Variants in JAM3 observed in about 807,000 individuals in gnomAD.
JAM3 encodes the protein junctional adhesion molecule C.
Under a neutral mutation model 39.4 loss-of-function variants are expected in JAM3, and 31 were observed. The observed-to-expected ratio is 0.79, with a 90% CI of 0.59 to 1.06. The LOEUF (loss-of-function observed/expected upper bound fraction) is 1.06, where lower values mean the gene tolerates loss of function less well. JAM3 is among the 50% of genes least tolerant of loss of function. The probability of loss-of-function intolerance (pLI) is 0.00; values close to 1 mark genes in which losing one functional copy is unlikely to be tolerated. For synonymous variants in JAM3, 182 were observed against 148.7 expected (o/e 1.22, Z -1.63); for missense variants, 455 against 391.4 (o/e 1.16, Z -1.37).
intron 4 of JAM3, among the ~76,000 whole-genome samples, 158 bp downstream of exon 4, chr11:134,144,551 A>T (rs183803233): frequency 2.6e-4 from 40 of 152,312 alleles, no homozygotes; most frequent in Middle Eastern, 6.8e-3. Context: ...GTTGGGGTAG[A>T]AGGTGAGAAG....
chr11:134,131,241 C>CG (rs1175138805), intron 1 of JAM3, among the ~76,000 whole-genome samples: 44 of 30,880 alleles, frequency 1.4e-3, no homozygotes, highest in South Asian at 6.4e-3. Flanking sequence ...TTTGGGGGGG[C>CG]GGGGGGGTGG....
intron 1 of JAM3, among the ~76,000 whole-genome samples, chr11:134,134,420 A>C (rs1412012333): frequency 2.0e-5 from 3 of 150,234 alleles, no homozygotes; most frequent in African/African-American, 7.4e-5. Context: ...AAAAAAAAAA[A>C]AACATCTAGG....
At position 134,122,397 on chromosome 11, in the gene JAM3, A is replaced by G. The variant is rs192160915; in HGVS notation, c.77-17454A>G. 1.9e-4 allele frequency among the ~76,000 whole-genome samples: 29 copies of G among 152,312 alleles called. No individual in the cohort carries two copies. The East Asian group carries it at 5.4e-3, about 28-fold the overall frequency. On this transcript the variant is annotated intron_variant, in intron 1 of 8. Coordinates refer to ENST00000299106, the MANE Select transcript of JAM3 (RefSeq NM_032801.5). Reference sequence around the variant, plus strand: ...CAAGAGCCCCTGATGGTACCCCTCTACCTGCTTTGTCCATGCAGCCTGATC... The same window carrying G: ...CAAGAGCCCCTGATGGTACCCCTCTGCCTGCTTTGTCCATGCAGCCTGATC...
chr11:134,130,041 G>C (rs1027257684), intron 1 of JAM3, among the ~76,000 whole-genome samples: 7 of 152,100 alleles, frequency 4.6e-5, no homozygotes, highest in African/African-American at 1.7e-4. Context: ...AACGGCCCCA[G>C]ATAGTTCATA....
chr11:134,113,240 C>T (rs1175654523), intron 1 of JAM3, among the ~76,000 whole-genome samples: 4 of 150,012 alleles, frequency 2.7e-5, no homozygotes, highest in South Asian at 2.1e-4. Context: ...ATGTGCACAA[C>T]GTGCAGGTTT....
At chr11:134,108,976 A>G (rs1397195299) in intron 1 of JAM3, among the ~76,000 whole-genome samples, 1 of 152,084 alleles carries the variant, frequency 6.6e-6, no homozygotes, top group African/African-American at 2.4e-5. Flanking sequence ...TTTAACTTTA[A>G]TACAGAGTCT....
chr11:134,081,969 G>T (rs1190744123), intron 1 of JAM3, among the ~76,000 whole-genome samples: 1 of 152,272 alleles, frequency 6.6e-6, no homozygotes, highest in African/African-American at 2.4e-5. Flanking sequence ...ATGAGACTTG[G>T]AGTCAAAGGA....
intron 1 of JAM3, among the ~76,000 whole-genome samples, chr11:134,115,904 A>G (rs1436829015): frequency 2.6e-5 from 4 of 152,174 alleles, no homozygotes; most frequent in Non-Finnish European, 4.4e-5. Flanking sequence ...CTCAAAATAA[A>G]TAAATAAAAA....
chr11:134,113,903 T>C (rs1942369076), intron 1 of JAM3, among the ~76,000 whole-genome samples: 1 of 152,254 alleles, frequency 6.6e-6, no homozygotes, highest in Non-Finnish European at 1.5e-5. Context: ...TGTGAGATGG[T>C]ATCTCATTGT....
chr11:134,091,767 A>G (rs565838241), intron 1 of JAM3, among the ~76,000 whole-genome samples: 2 of 152,038 alleles, frequency 1.3e-5, no homozygotes, highest in East Asian at 3.9e-4. Flanking sequence ...AAATGTGTGC[A>G]ATGGATGGAA....
chr11:134,074,873 C>A (rs944016901), intron 1 of JAM3, among the ~76,000 whole-genome samples: 2 of 152,026 alleles, frequency 1.3e-5, no homozygotes, highest in African/African-American at 4.8e-5. Context: ...TCTTCCTGCC[C>A]AACATGGACT....
intron 2 of JAM3, among the ~76,000 whole-genome samples, chr11:134,140,132 T>G (rs1407664156): frequency 6.6e-6 from 1 of 152,232 alleles, no homozygotes; most frequent in East Asian, 1.9e-4. Flanking sequence ...CCTGCCTGGC[T>G]TTGTGATCAC....
At chr11:134,069,292 G>C in intron 1 of JAM3, 133 bp downstream of exon 1, 1 of 1,258,256 alleles carries the variant, frequency 7.9e-7, no homozygotes, top group Non-Finnish European at 1.1e-6. Flanking sequence ...GTCCCGGGCC[G>C]GAGGGGCGGC....
intron 1 of JAM3, among the ~76,000 whole-genome samples, chr11:134,132,477 T>C (rs1483480048): frequency 6.6e-6 from 1 of 152,190 alleles, no homozygotes; most frequent in African/African-American, 2.4e-5. Context: ...TTCGAAGGTG[T>C]ATGAAGATAT....
At chr11:134,134,398 C>CAAAAA (rs34729848) in intron 1 of JAM3, among the ~76,000 whole-genome samples, 1,500 of 31,904 alleles carry the variant, frequency 0.047, 105 homozygotes, top group African/African-American at 0.062. Flanking sequence ...GGATAAATGC[C>CAAAAA]AAAAAAAAAA....
At chr11:134,134,398 C>CAAAAAAAAAAAAAAAA (rs34729848) in intron 1 of JAM3, among the ~76,000 whole-genome samples, 34 of 31,906 alleles carry the variant, frequency 1.1e-3, no homozygotes, top group African/African-American at 1.5e-3. Flanking sequence ...GGATAAATGC[C>CAAAAAAAAAAAAAAAA]AAAAAAAAAA....
chr11:134,139,892 AC>A lies in JAM3; in HGVS notation c.122del (p.Pro41GlnfsTer60). The A allele has an allele frequency of 6.2e-7, 1 of 1,613,924 alleles. No homozygotes were observed. Among genetic ancestry groups the A allele is most frequent in the South Asian group, 1.1e-5 (1 of 91,082 alleles). ...GAVNLKSSNR[T>X]PVVQEFESVE... ...TGTAAATCTCAAATCCAGCAATCGAACCCCAGTGGTACAGGAATTTGAAAGT... is the reference window on the plus strand; with the variant it reads ...TGTAAATCTCAAATCCAGCAATCGAACCCAGTGGTACAGGAATTTGAAAGT... On this transcript the variant is annotated frameshift_variant, in exon 2 of 9. Coordinates refer to ENST00000299106, the MANE Select transcript of JAM3 (RefSeq NM_032801.5). LOFTEE classifies it high-confidence loss of function.
chr11:134,148,598 T>C lies in JAM3; in HGVS notation c.764T>C (p.Val255Ala). 3 of 1,614,180 alleles carry C rather than the reference T, an allele frequency of 1.9e-6. No individual in the cohort carries two copies. Among genetic ancestry groups the C allele is most frequent in the Non-Finnish European group, 1.7e-6 (2 of 1,180,042 alleles). Residue 255 changes from valine to alanine, a missense_variant, in exon 7 of 9, where the codon GTA becomes GCA. Val to Ala is a moderately conservative substitution (Grantham distance 64). Transcript: ENST00000299106. ...IIGGVLVVLAVLALITLGICC... is the reference protein window; with the variant it reads ...IIGGVLVVLAALALITLGICC... ...GGGGGGGTTCTGGTTGTCCTTGCTG[T>C]ACTGGCCCTGATCACGTTGGGCATC... is the stretch of plus-strand genomic sequence containing the variant.
chr11:134,128,223 A>G (rs899395963), intron 1 of JAM3, among the ~76,000 whole-genome samples: 3 of 151,022 alleles, frequency 2.0e-5, no homozygotes, highest in Non-Finnish European at 4.4e-5. Flanking sequence ...ATGCCATTCC[A>G]TGTGGTTTTA....
Sources: gnomAD v4.1 joint callset for allele counts (sites outside exome capture counted in the v4.1 genomes callset) on GRCh38, gnomAD v4.1.1 for gene constraint, MANE v1.5 for transcripts, NCBI Gene and HGNC (gene_info 2026-07-23, HGNC 2026-07-21) for gene names.